Variants in GABRA5 observed in about 807,000 individuals in gnomAD.
GABRA5 encodes the protein gamma-aminobutyric acid type A receptor subunit alpha5, also known as gamma-aminobutyric acid receptor subunit alpha-5.
A neutral mutation model predicts 47.3 loss-of-function variants in GABRA5; 18 were observed. The observed-to-expected ratio is 0.38, with a 90% CI of 0.26 to 0.56. GABRA5 has a LOEUF of 0.56. GABRA5 is among the 20% of genes least tolerant of loss of function. The pLI, the probability that GABRA5 is intolerant of heterozygous loss-of-function variation, is 0.71. For missense variants in GABRA5, 365 were observed against 599.3 expected (o/e 0.61, Z 4.08); for synonymous variants, 237 against 229.3 (o/e 1.03, Z -0.30).
chr15:26,874,252 G>A (rs1713573712), intron 3 of GABRA5, among the ~76,000 whole-genome samples: 1 of 152,110 alleles, frequency 6.6e-6, no homozygotes, highest in African/African-American at 2.4e-5. Context: ...GCATGTATAT[G>A]AGTGTATCAT....
intron 9 of GABRA5, among the ~76,000 whole-genome samples, chr15:26,942,115 G>A (rs115228553): frequency 6.6e-6 from 1 of 152,180 alleles, no homozygotes; most frequent in Non-Finnish European, 1.5e-5. Flanking sequence ...TCCCAGTGTG[G>A]GTAGTCTCAT....
At chr15:26,897,101 C>T (rs554917566) in intron 6 of GABRA5, among the ~76,000 whole-genome samples, 32 of 152,066 alleles carry the variant, frequency 2.1e-4, no homozygotes, top group African/African-American at 7.7e-4. Context: ...AAGAGAGGTC[C>T]CTTCACTGCC....
At chr15:26,889,454 T>C (rs764266417) in intron 6 of GABRA5, among the ~76,000 whole-genome samples, 1 of 152,186 alleles carries the variant, frequency 6.6e-6, no homozygotes, top group Non-Finnish European at 1.5e-5. Context: ...TTCGTTCTTA[T>C]TTGAAAACGG....
intron 3 of GABRA5, among the ~76,000 whole-genome samples, chr15:26,880,334 A>AT (rs1892697785): frequency 6.6e-6 from 1 of 152,112 alleles, no homozygotes; most frequent in African/African-American, 2.4e-5. Context: ...ATCCTGGCAT[A>AT]TTATTCACAG....
intron 6 of GABRA5, among the ~76,000 whole-genome samples, chr15:26,891,059 G>C (rs755617911): frequency 2.0e-5 from 3 of 152,164 alleles, no homozygotes; most frequent in Non-Finnish European, 4.4e-5. Flanking sequence ...TGCATATTTG[G>C]TTTGAAAACG....
intron 3 of GABRA5, among the ~76,000 whole-genome samples, chr15:26,879,250 G>A (rs575110485): frequency 2.0e-5 from 3 of 152,314 alleles, no homozygotes; most frequent in Non-Finnish European, 4.4e-5. Context: ...AAGTCCATGA[G>A]AAGTGCATCA....
In GABRA5 at chr15:26,925,315, T is replaced by A. The variant is rs141514133; in HGVS notation, c.580+10430T>A. Among the ~76,000 whole-genome samples, 407 of 152,270 alleles carry A rather than the reference T, an allele frequency of 2.7e-3. 5 individuals carry two copies. The highest frequency in any genetic ancestry group is 9.4e-3 in the African/African-American group (391 of 41,578). On this transcript the variant is annotated intron_variant, in intron 7 of 10. Coordinates refer to ENST00000335625, the MANE Select transcript of GABRA5 (RefSeq NM_000810.4). ...ATCACTAGGGGTGTGCTCATGTTTT[T>A]AACCATTGTCTTGCCTCTATATTTT...
intron 6 of GABRA5, among the ~76,000 whole-genome samples, chr15:26,887,504 G>A (rs1566867796): frequency 6.6e-6 from 1 of 151,946 alleles, no homozygotes; most frequent in African/African-American, 2.4e-5. Context: ...TAATTTTTGT[G>A]TTTTTAAAGT....
intron 7 of GABRA5, among the ~76,000 whole-genome samples, chr15:26,926,733 A>G (rs1893970237): frequency 6.6e-6 from 1 of 152,218 alleles, no homozygotes; most frequent in Admixed American, 6.5e-5. Context: ...TGATGTGATC[A>G]AAAATAAAAC....
chr15:26,879,622 A>G (rs929885560), intron 3 of GABRA5, among the ~76,000 whole-genome samples: 6 of 152,178 alleles, frequency 3.9e-5, no homozygotes, highest in African/African-American at 1.4e-4. Flanking sequence ...TCAAAAGGGA[A>G]TAGCTTTAGG....
Position 26,883,619 on chromosome 15 carries a change from T to G in GABRA5, c.497+62T>G. 2.3e-6 allele frequency: 3 copies of G among 1,298,058 alleles called. No homozygotes were observed. The South Asian group carries it at 4.3e-5, about 19-fold the overall frequency. The allele number at this position is 1,298,058 out of a possible 1,614,324, so 80.4% of individuals were successfully genotyped here. A position where few individuals can be genotyped will look rare whatever the true frequency, so the allele number is the denominator to read the frequency against. ...GGTGCGGGGCAGGCGCGGCTGCCCA[T>G]CCTGCCGCAAGAGCTGCGCCGCGGA... is the stretch of plus-strand genomic sequence containing the variant. On this transcript the variant is annotated intron_variant, in intron 6 of 10. Coordinates refer to ENST00000335625, the MANE Select transcript of GABRA5 (RefSeq NM_000810.4). This position sits in a 1 kb window ranked among gnomAD's most constrained non-coding sequence, Gnocchi z 4.8.
At chr15:26,901,726 T>C (rs1456807554) in intron 6 of GABRA5, among the ~76,000 whole-genome samples, 4 of 152,158 alleles carry the variant, frequency 2.6e-5, no homozygotes, top group African/African-American at 9.6e-5. Flanking sequence ...TAAAAAGTCA[T>C]CACCAAACCC....
chr15:26,942,724 G>A (rs1463300019), intron 9 of GABRA5, among the ~76,000 whole-genome samples: 2 of 152,184 alleles, frequency 1.3e-5, no homozygotes, highest in African/African-American at 2.4e-5. Flanking sequence ...ATTCTAAAGG[G>A]AAGGGACAAT....
chr15:26,883,469 A>G lies in GABRA5; in HGVS notation c.409A>G (p.Asn137Asp). ...CTGGACCCCAGACACGTTCTTCCAC[A>G]ACGGGAAGAAGTCCATCGCTCACAA... is the stretch of plus-strand genomic sequence containing the variant. ...KIWTPDTFFH[N>D]GKKSIAHNMT... The change falls in exon 6 of 11, where the codon AAC becomes GAC. Residue 137 changes from asparagine (N) to aspartate (D), a missense_variant. This residue lies in a region of GABRA5 where 216 missense variants were observed against 335.3 expected (regional missense o/e 0.64). Transcript: ENST00000335625. The surrounding 1 kb of genome is among the most constrained non-coding windows in gnomAD (Gnocchi z 4.8). 6.2e-7 allele frequency: 1 copy of G among 1,614,048 alleles called. No individual in the cohort carries two copies. Among genetic ancestry groups the G allele is most frequent in the Non-Finnish European group, 8.5e-7 (1 of 1,179,970 alleles).
chr15:26,919,104 CT>C (rs1893782889), intron 7 of GABRA5, among the ~76,000 whole-genome samples: 1 of 152,172 alleles, frequency 6.6e-6, no homozygotes, highest in Non-Finnish European at 1.5e-5. Flanking sequence ...ATTTACCCCA[CT>C]GCACTCCAGC....
chr15:26,876,029 G>A (rs1264279913), intron 3 of GABRA5, among the ~76,000 whole-genome samples: 1 of 152,164 alleles, frequency 6.6e-6, no homozygotes, highest in Non-Finnish European at 1.5e-5. Context: ...AGCAGCATTA[G>A]CTGATAGGTT....
chr15:26,947,995 AC>A lies in GABRA5; in HGVS notation c.1157del (p.Pro386GlnfsTer20). On this transcript the variant is annotated frameshift_variant, in exon 11 of 11. Transcript: ENST00000335625. LOFTEE classifies it high-confidence loss of function. The stretch of plus-strand genomic sequence containing the variant: ...GCTTTTACAACTGGGAAGATGTCTC[AC>A]CCCCCAAACATTCCGAAGGAACAGA... ...TNAFTTGKMSHPPNIPKEQTP... is the reference protein window; with the variant it reads ...TNAFTTGKMSXPPNIPKEQTP... 6.3e-7 allele frequency: 1 copy of A among 1,597,854 alleles called. No homozygotes were observed. Among genetic ancestry groups the A allele is most frequent in the Non-Finnish European group, 8.5e-7 (1 of 1,171,722 alleles).
chr15:26,902,078 A>G (rs1893341050), intron 6 of GABRA5, among the ~76,000 whole-genome samples: 1 of 151,976 alleles, frequency 6.6e-6, no homozygotes, highest in South Asian at 2.1e-4. Context: ...TGGGTGGTGT[A>G]TGTCCTCTGA....
rs750248111 is a variant in GABRA5, at chr15:26,943,198, C to T, written c.878-17C>T. The T allele has an allele frequency of 6.5e-7, 1 of 1,545,018 alleles. No homozygotes were observed. The highest frequency in any genetic ancestry group is 8.7e-7 in the Non-Finnish European group (1 of 1,144,690). ...CCCTGTTTCCGTTTTTCACTCTGCCCTGCCTGACCCCCGCAGGGGTCACCA... is the reference window on the plus strand; with the variant it reads ...CCCTGTTTCCGTTTTTCACTCTGCCTTGCCTGACCCCCGCAGGGGTCACCA... On this transcript the variant is annotated splice_polypyrimidine_tract_variant and intron_variant, in intron 9 of 10. Transcript: ENST00000335625.
Sources: allele counts gnomAD v4.1 joint callset (sites outside exome capture counted in the v4.1 genomes callset), GRCh38; gene constraint gnomAD v4.1.1; regional missense constraint gnomAD v4.1.1; non-coding constraint Gnocchi (gnomAD v3.1); transcripts MANE v1.5; gene names NCBI Gene and HGNC (gene_info 2026-07-23, HGNC 2026-07-21).